The following ADGRG3 variants were observed in gnomAD, a reference collection of about 807,000 sequenced individuals.
ADGRG3 encodes the protein adhesion G protein-coupled receptor G3.
ADGRG3 carries 39 observed loss-of-function variants against 54.3 expected under a neutral mutation model. The ratio of observed to expected loss-of-function variants is 0.72; its 90% CI spans 0.56 to 0.94. The LOEUF is 0.94. Among genes scored for constraint, ADGRG3 ranks in the 40% least tolerant of loss-of-function variants. The pLI, the probability that ADGRG3 is intolerant of heterozygous loss-of-function variation, is 0.00. For missense variants in ADGRG3, 654 were observed against 694.6 expected, an observed-to-expected ratio of 0.94 and a Z score of 0.66; for synonymous variants, 312 against 290.0, an observed-to-expected ratio of 1.08 and a Z score of -0.77.
Position 57,688,616 on chromosome 16 carries a change from G to C in ADGRG3, c.*155G>C, listed in dbSNP as rs1469180819. 4 of 636,804 alleles carry C rather than the reference G, an allele frequency of 6.3e-6. No individual in the cohort carries two copies. Among genetic ancestry groups the C allele is most frequent in the Admixed American group, 4.8e-5 (2 of 41,516 alleles). 39.4% of individuals were successfully genotyped at this position (636,804 alleles called of 1,614,324 possible). A position where few individuals can be genotyped will look rare whatever the true frequency, so the allele number is the denominator to read the frequency against. ...CAGGTTGGACCACGTGGCATCAGAGGTCCCATCCAGATCCAACTATAGGTC... is the reference window on the plus strand; with the variant it reads ...CAGGTTGGACCACGTGGCATCAGAGCTCCCATCCAGATCCAACTATAGGTC... On this transcript the variant is annotated 3_prime_UTR_variant, in exon 12 of 12. Coordinates refer to ENST00000333493, the MANE Select transcript of ADGRG3 (RefSeq NM_170776.5).
chr16:57,688,204 T>A (rs2048511514), intron 11 of ADGRG3, 148 bp from the exon 12 acceptor site: 1 of 646,688 alleles, frequency 1.5e-6, no homozygotes, highest in Non-Finnish European at 2.8e-6. Flanking sequence ...ATTTTTGAAA[T>A]GGTTGTGAAA....
chr16:57,666,962 G>T (rs1252391080), upstream of ADGRG3, among the ~76,000 whole-genome samples: 1 of 152,216 alleles, frequency 6.6e-6, no homozygotes, highest in Non-Finnish European at 1.5e-5. Context: ...TGGGAGGGAG[G>T]TCTGCAGATC....
intron 3 of ADGRG3, among the ~76,000 whole-genome samples, chr16:57,677,640 C>A (rs1387580846): frequency 3.3e-5 from 5 of 152,136 alleles, no homozygotes; most frequent in African/African-American, 7.2e-5. Context: ...TCTGACGATT[C>A]TTTGTTTTTT....
chr16:57,666,037 C>T (rs1303166492), upstream of ADGRG3, among the ~76,000 whole-genome samples: 1 of 151,984 alleles, frequency 6.6e-6, no homozygotes, highest in Non-Finnish European at 1.5e-5. Context: ...CCCCCAGCTC[C>T]AAAGGACAGA....
At chr16:57,681,709 A>T (rs1373039221) in intron 8 of ADGRG3, among the ~76,000 whole-genome samples, 18 of 145,030 alleles carry the variant, frequency 1.2e-4, no homozygotes, top group African/African-American at 4.7e-4. Flanking sequence ...CTGGACAACA[A>T]GTGCAAAACT....
Position 57,679,218 on chromosome 16 carries a change from C to T in ADGRG3, c.534C>T (p.Asn178=). The T allele has an allele frequency of 6.2e-7, 1 of 1,614,010 alleles. No homozygotes were observed. Among genetic ancestry groups the T allele is most frequent in the Non-Finnish European group, 8.5e-7 (1 of 1,179,928 alleles). ...LGLGDGSGVL[N]NRLVGLSVGQ... ...TGGGAGATGGCAGCGGCGTGTTGAA[C>T]AATCGCCTGGTGGGTTTGAGTGTGG... The change falls in exon 5 of 12, where the codon AAC becomes AAT. Residue 178 remains asparagine, a synonymous_variant. Transcript: ENST00000333493.
Position 57,673,477 on chromosome 16 carries a change from G to C in ADGRG3, c.206+9G>C. The C allele has an allele frequency of 6.3e-7, 1 of 1,591,496 alleles. No individual in the cohort carries two copies. Among genetic ancestry groups the C allele is most frequent in the Non-Finnish European group, 8.6e-7 (1 of 1,161,796 alleles). On this transcript the variant is annotated intron_variant, in intron 2 of 11. Transcript: ENST00000333493. ...GTGGAAAACTTGCAGAGGTGAGGGG[G>C]CCCCCTGAGCTGGAGGGGGAATCTG...
intron 1 of ADGRG3, among the ~76,000 whole-genome samples, chr16:57,670,093 G>T (rs1422118941): frequency 6.6e-6 from 1 of 152,178 alleles, no homozygotes; most frequent in Admixed American, 6.5e-5. Flanking sequence ...GGAGCCATGC[G>T]GGGTGGGGGC....
In ADGRG3 at chr16:57,684,148, C is replaced by T. The variant is rs76894559; in HGVS notation, c.1098C>T (p.Leu366=). The T allele has an allele frequency of 2.7e-3, 4,402 of 1,614,008 alleles. 86 individuals are homozygous for T. In the African/African-American group the frequency reaches 0.041, roughly 15 times the overall value. ...MGLEAFHLYL[L]AVRVFNTYFG... ...TTGAAGCCTTCCACCTCTACCTGCT[C>T]GCTGTCAGGGTCTTCAACACCTACT... Residue 366 remains leucine (L), a synonymous_variant, in exon 9 of 12, where the codon CTC becomes CTT. Transcript: ENST00000333493.
At chr16:57,678,859 G>T (rs931639774) in intron 4 of ADGRG3, 3 of 418,090 alleles carry the variant, frequency 7.2e-6, no homozygotes, top group South Asian at 2.8e-5. Context: ...TATCCTCCCC[G>T]CTGACTTCCA....
rs149940306 is a variant in ADGRG3 at position 57,680,612 on chromosome 16, T to C, written c.876T>C (p.Phe292=). The part of the protein sequence containing the change: ...FLAFTIILYA[F]LRLSRERFKS... ...CCTTCACCATTATTCTTTATGCCTT[T>C]CTGAGGTGAGTGATCCCCACCTCCC... is the stretch of plus-strand genomic sequence containing the variant. The change falls in exon 8 of 12, where the codon TTT becomes TTC. Residue 292 remains phenylalanine (F), a synonymous_variant. Transcript: ENST00000333493. The C allele has an allele frequency of 3.7e-5, 59 of 1,607,928 alleles. No individual in the cohort carries two copies. The African/African-American group carries it at 7.8e-4, about 21-fold the overall frequency.
intron 2 of ADGRG3, chr16:57,674,484 A>G (rs1191035574): frequency 7.7e-6 from 3 of 391,984 alleles, no homozygotes; most frequent in Non-Finnish European, 1.0e-5. Context: ...TATGTGTTAA[A>G]GGAATGAGTT....
chr16:57,681,519 G>A (rs372846392), intron 8 of ADGRG3, among the ~76,000 whole-genome samples: 3 of 152,048 alleles, frequency 2.0e-5, no homozygotes, highest in African/African-American at 4.8e-5. Context: ...TCAGGAGTTC[G>A]AGACCAGTCT....
In ADGRG3 at chr16:57,688,571, G is replaced by A. The variant is rs1315254229; in HGVS notation, c.*110G>A. 7.9e-6 allele frequency: 6 copies of A among 754,718 alleles called. No homozygotes were observed. Among genetic ancestry groups the A allele is most frequent in the Non-Finnish European group, 1.4e-5 (6 of 420,086 alleles). 46.8% of individuals were successfully genotyped at this position (754,718 alleles called of 1,614,324 possible). ...GTTTCCTTCTCTGTACAATGTGGCT[G>A]GGGAGGGAGAGGATGGGACCAGGTT... On this transcript the variant is annotated 3_prime_UTR_variant, in exon 12 of 12. Coordinates refer to ENST00000333493, the MANE Select transcript of ADGRG3 (RefSeq NM_170776.5).
rs753225768 is a variant in ADGRG3 at position 57,685,843 on chromosome 16, T to G, written c.1457T>G (p.Val486Gly). Reference sequence around the variant, plus strand: ...ACCCTGCTGGGCCTCTCGAGCCTGGTGGGTGTGACATGGGGGTTGGCCATC... The same window carrying G: ...ACCCTGCTGGGCCTCTCGAGCCTGGGGGGTGTGACATGGGGGTTGGCCATC... The part of the protein sequence containing the change: ...VLTLLGLSSL[V>G]GVTWGLAIFT... The change falls in exon 11 of 12, where the codon GTG becomes GGG. Residue 486 changes from valine (V) to glycine (G), a missense_variant. Val to Gly is a moderately radical substitution (Grantham distance 109, BLOSUM62 -3). Coordinates refer to ENST00000333493, the MANE Select transcript of ADGRG3 (RefSeq NM_170776.5). The G allele has an allele frequency of 1.2e-6, 2 of 1,614,146 alleles. No individual in the cohort carries two copies. Among genetic ancestry groups the G allele is most frequent in the Non-Finnish European group, 8.5e-7 (1 of 1,180,024 alleles).
At chr16:57,681,980 G>T (rs1377287614) in intron 8 of ADGRG3, among the ~76,000 whole-genome samples, 1 of 152,212 alleles carries the variant, frequency 6.6e-6, no homozygotes, top group Non-Finnish European at 1.5e-5. Context: ...CTTGGACCAT[G>T]TGCCCATGCC....
At chr16:57,675,312 C>G (rs1471910888) in intron 2 of ADGRG3, among the ~76,000 whole-genome samples, 3 of 151,826 alleles carry the variant, frequency 2.0e-5, no homozygotes, top group African/African-American at 7.3e-5. Flanking sequence ...GACACCGACT[C>G]TACAAAAAAT....
In ADGRG3 at chr16:57,680,596, T is replaced by G; in HGVS notation, c.860T>G (p.Ile287Ser). ...GVSMIFLAFT[I>S]ILYAFLRLSR... ...TCCATGATCTTCCTGGCCTTCACCA[T>G]TATTCTTTATGCCTTTCTGAGGTGA... Residue 287 changes from isoleucine to serine, a missense_variant, in exon 8 of 12, where the codon ATT (isoleucine) becomes AGT (serine). Physicochemically the swap from Ile to Ser is moderately radical, Grantham distance 142 (BLOSUM62 -2). Transcript: ENST00000333493. 4.3e-6 allele frequency: 7 copies of G among 1,612,626 alleles called. No individual in the cohort carries two copies. The highest frequency in any genetic ancestry group is 1.3e-5 in the African/African-American group (1 of 74,958).
chr16:57,677,064 A>T (rs1181831822), intron 3 of ADGRG3, among the ~76,000 whole-genome samples: 2 of 152,152 alleles, frequency 1.3e-5, no homozygotes, highest in Admixed American at 6.5e-5. Flanking sequence ...TCAACCCTTT[A>T]TTATGTCACT....
Sources: gnomAD v4.1 joint callset for allele counts (sites outside exome capture counted in the v4.1 genomes callset) on GRCh38, gnomAD v4.1.1 for gene constraint, MANE v1.5 for transcripts, NCBI Gene and HGNC (gene_info 2026-07-23, HGNC 2026-07-21) for gene names.